SPMIP3: variants seen among roughly 807,000 people sequenced by gnomAD.
The protein encoded by SPMIP3 is sperm microtubule inner protein 3, also known as protein SPMIP3.
chr1:244,385,648 T>C, the SPMIP3 span, among the ~76,000 whole-genome samples: 1 of 152,162 alleles, frequency 6.6e-6, no homozygotes, highest in African/African-American at 2.4e-5. Context: ...CCTAATAGAA[T>C]TGAGATACCC....
the SPMIP3 span, among the ~76,000 whole-genome samples, chr1:244,359,204 C>T: frequency 3.3e-5 from 5 of 149,972 alleles, no homozygotes; most frequent in African/African-American, 4.9e-5. Flanking sequence ...CTCTAAAGAT[C>T]GGTAACCACT....
the SPMIP3 span, among the ~76,000 whole-genome samples, chr1:244,370,406 A>G: frequency 6.6e-6 from 1 of 152,094 alleles, no homozygotes; most frequent in East Asian, 1.9e-4. Context: ...TAAGTTATTT[A>G]CTTCCCCTGA....
At chr1:244,361,378 G>A in the SPMIP3 span, among the ~76,000 whole-genome samples, 24 of 151,630 alleles carry the variant, frequency 1.6e-4, no homozygotes, top group Admixed American at 5.3e-4. Context: ...ACAGGCATGC[G>A]CCACCATGCC....
chr1:244,375,408 C>A, the SPMIP3 span: 2 of 1,613,956 alleles, frequency 1.2e-6, no homozygotes, highest in Non-Finnish European at 1.7e-6. Flanking sequence ...ACGTTCAAGG[C>A]TATTACCCTG....
At chr1:244,370,808 G>A in the SPMIP3 span, among the ~76,000 whole-genome samples, 3 of 152,146 alleles carry the variant, frequency 2.0e-5, no homozygotes, top group Admixed American at 6.5e-5. Context: ...TTTGATACAC[G>A]GCGCTGGCAT....
At chr1:244,379,686 A>AC in the SPMIP3 span, among the ~76,000 whole-genome samples, 6 of 152,336 alleles carry the variant, frequency 3.9e-5, no homozygotes, top group East Asian at 9.6e-4. Context: ...ATGTAAAAAA[A>AC]TACTGAAAGG....
At chr1:244,367,564 G>A in the SPMIP3 span, among the ~76,000 whole-genome samples, 4 of 152,310 alleles carry the variant, frequency 2.6e-5, no homozygotes, top group South Asian at 6.2e-4. Flanking sequence ...TAGTTCAGGT[G>A]CAGGAAGAGC....
chr1:244,373,331 A>AATT, the SPMIP3 span, among the ~76,000 whole-genome samples: 1 of 39,606 alleles, frequency 2.5e-5, no homozygotes, highest in African/African-American at 1.1e-4. Flanking sequence ...ACAAAAAAAA[A>AATT]TTATATATAT....
the SPMIP3 span, among the ~76,000 whole-genome samples, chr1:244,383,487 C>T: frequency 6.6e-6 from 1 of 152,062 alleles, no homozygotes; most frequent in East Asian, 1.9e-4. Flanking sequence ...CCAGCCTGGG[C>T]AACATAGCAA....
At chr1:244,381,702 G>A in the SPMIP3 span, among the ~76,000 whole-genome samples, 17 of 152,316 alleles carry the variant, frequency 1.1e-4, no homozygotes, top group Middle Eastern at 0.014. Context: ...AGGCCGAAGC[G>A]GGAGGATCAC....
At chr1:244,374,004 TC>T in the SPMIP3 span, among the ~76,000 whole-genome samples, 1 of 151,972 alleles carries the variant, frequency 6.6e-6, no homozygotes, top group Admixed American at 6.6e-5. Flanking sequence ...TTCCAGCTAC[TC>T]GGGAGGCTGA....
At chr1:244,388,032 A>G in the SPMIP3 span, among the ~76,000 whole-genome samples, 1 of 151,672 alleles carries the variant, frequency 6.6e-6, no homozygotes, top group African/African-American at 2.4e-5. Context: ...GGTTCATGCA[A>G]TTCTCCTGCC....
the SPMIP3 span, chr1:244,378,633 G>A: frequency 6.2e-7 from 1 of 1,612,780 alleles, no homozygotes; most frequent in Non-Finnish European, 8.5e-7. Context: ...GCCATTTTAT[G>A]AGATTGGTAA....
At chr1:244,374,587 C>CTTTTTTTTTTTT in the SPMIP3 span, among the ~76,000 whole-genome samples, 1 of 74,618 alleles carries the variant, frequency 1.3e-5, no homozygotes, top group African/African-American at 5.7e-5. Context: ...CCACATTTCT[C>CTTTTTTTTTTTT]TTTTTTTTTT....
At chr1:244,373,773 A>C in the SPMIP3 span, among the ~76,000 whole-genome samples, 1 of 151,940 alleles carries the variant, frequency 6.6e-6, no homozygotes, top group African/African-American at 2.4e-5. Flanking sequence ...ATCTCATTAC[A>C]GTCTTATAAC....
At chr1:244,372,524 AGC>A in the SPMIP3 span, among the ~76,000 whole-genome samples, 1 of 151,900 alleles carries the variant, frequency 6.6e-6, no homozygotes, top group Admixed American at 6.6e-5. Flanking sequence ...GCTCACTGCA[AGC>A]CCCACCTTCC....
At chr1:244,369,791 G>A in the SPMIP3 span, among the ~76,000 whole-genome samples, 2 of 142,264 alleles carry the variant, frequency 1.4e-5, no homozygotes, top group Non-Finnish European at 3.0e-5. Flanking sequence ...CTGTTTGCAT[G>A]GCACGTGAAG....
chr1:244,360,344 T>C, the SPMIP3 span, among the ~76,000 whole-genome samples: 1 of 152,108 alleles, frequency 6.6e-6, no homozygotes, highest in Non-Finnish European at 1.5e-5. Context: ...AACTACCATA[T>C]GATCCAGCAG....
At chr1:244,353,230 A>G in the SPMIP3 span, among the ~76,000 whole-genome samples, 2 of 152,164 alleles carry the variant, frequency 1.3e-5, no homozygotes, top group Admixed American at 1.3e-4. Flanking sequence ...ATTTTACCTG[A>G]AGAGACAAAG....
Sources: allele counts gnomAD v4.1 joint callset (sites outside exome capture counted in the v4.1 genomes callset), GRCh38; gene constraint gnomAD v4.1.1; transcripts MANE v1.5; gene names NCBI Gene and HGNC (gene_info 2026-07-23, HGNC 2026-07-21).